The following NKAIN2 variants were observed in gnomAD, a reference collection of about 807,000 sequenced individuals.
The protein encoded by NKAIN2 is sodium/potassium transporting ATPase interacting 2, also known as sodium/potassium-transporting ATPase subunit beta-1-interacting protein 2.
NKAIN2 carries 14 observed loss-of-function variants against 32.6 expected under a neutral mutation model. The observed-to-expected ratio is 0.43, with a 90% CI of 0.28 to 0.67. NKAIN2 has a LOEUF of 0.67. Ranked by LOEUF, NKAIN2 falls within the 30% of genes least tolerant of loss-of-function variation. The pLI is 0.17. For synonymous variants in NKAIN2, 80 were observed against 87.2 expected (o/e 0.92, Z 0.46); for missense variants, 198 against 258.3 (o/e 0.77, Z 1.60).
chr6:124,625,792 T>TAAATA (rs1200522315), intron 3 of NKAIN2, among the ~76,000 whole-genome samples: 1 of 152,012 alleles, frequency 6.6e-6, no homozygotes, highest in Non-Finnish European at 1.5e-5. Context: ...ACAGTATGGT[T>TAAATA]AAATAACTGG....
chr6:124,275,917 A>C (rs1795009101), intron 1 of NKAIN2, among the ~76,000 whole-genome samples: 1 of 152,136 alleles, frequency 6.6e-6, no homozygotes, highest in African/African-American at 2.4e-5. Flanking sequence ...TGAAAATCTT[A>C]GGACTTATGT....
intron 1 of NKAIN2, among the ~76,000 whole-genome samples, chr6:124,069,423 A>G (rs563631346): frequency 6.6e-6 from 1 of 152,228 alleles, no homozygotes; most frequent in South Asian, 2.1e-4. Context: ...CCGGCCAGTG[A>G]GTCTGGCTAG....
At chr6:124,465,619 TAAAGTA>T (rs1328657018) in intron 3 of NKAIN2, among the ~76,000 whole-genome samples, 2 of 115,750 alleles carry the variant, frequency 1.7e-5, no homozygotes, top group Non-Finnish European at 3.5e-5. Flanking sequence ...TCCCAGGACT[TAAAGTA>T]AAGTTAAAAA....
chr6:124,103,321 G>A (rs375993391), intron 1 of NKAIN2, among the ~76,000 whole-genome samples: 14 of 152,194 alleles, frequency 9.2e-5, no homozygotes, highest in African/African-American at 3.4e-4. Context: ...TTATCAACGT[G>A]GGGATTTACT....
intron 1 of NKAIN2, among the ~76,000 whole-genome samples, chr6:124,213,197 G>C (rs1191854122): frequency 2.0e-5 from 3 of 152,024 alleles, no homozygotes; most frequent in Non-Finnish European, 4.4e-5. Flanking sequence ...TTTATGCCAT[G>C]TATCAGTTTT....
At position 124,531,757 on chromosome 6, in the gene NKAIN2, G is replaced by A. The variant is rs546820492; in HGVS notation, c.274-126429G>A. 7.2e-5 allele frequency among the ~76,000 whole-genome samples: 11 copies of A among 152,172 alleles called. No homozygotes were observed. In the South Asian group the frequency reaches 1.0e-3, roughly 14 times the overall value. ...TGGTATGATCTCCATGGCCACCTCC[G>A]CCTCCCTGGTTCAAGCGATTCTCGT... On this transcript the variant is annotated intron_variant, in intron 3 of 6. Transcript: ENST00000368417.
intron 3 of NKAIN2, among the ~76,000 whole-genome samples, chr6:124,540,369 C>G (rs1003161162): frequency 2.0e-5 from 3 of 152,182 alleles, no homozygotes; most frequent in African/African-American, 7.2e-5. Flanking sequence ...TTTGCTTTAT[C>G]TTTAAAAACA....
At position 124,545,454 on chromosome 6, in the gene NKAIN2, A is replaced by G. The variant is rs73567543; in HGVS notation, c.274-112732A>G. Among the ~76,000 whole-genome samples the G allele has an allele frequency of 5.7e-3, 867 of 152,282 alleles. 10 individuals carry two copies. Among genetic ancestry groups the G allele is most frequent in the African/African-American group, 0.02 (829 of 41,574 alleles). ...TCAAAAACATTTTGGTAACATAGCTAGTTTATATTAACCAAATCTTATGGT... is the reference window on the plus strand; with the variant it reads ...TCAAAAACATTTTGGTAACATAGCTGGTTTATATTAACCAAATCTTATGGT... On this transcript the variant is annotated intron_variant, in intron 3 of 6. Coordinates refer to ENST00000368417, the MANE Select transcript of NKAIN2 (RefSeq NM_001040214.3).
chr6:123,913,530 C>T (rs1158597335), intron 1 of NKAIN2, among the ~76,000 whole-genome samples: 1 of 152,106 alleles, frequency 6.6e-6, no homozygotes. Flanking sequence ...AACCTCAGTT[C>T]TCTTTATTAC....
Position 124,521,228 on chromosome 6 carries a change from A to G in NKAIN2, c.274-136958A>G, listed in dbSNP as rs907798598. Among the ~76,000 whole-genome samples, 12 of 152,304 alleles carry G rather than the reference A, an allele frequency of 7.9e-5. No individual in the cohort carries two copies. In the East Asian group the frequency reaches 2.3e-3, roughly 29 times the overall value. ...TTCCCATCACTGTTCCCCGTCTTAC[A>G]AGAGAAGCATTCATCGTTTTACCAT... is the stretch of plus-strand genomic sequence containing the variant. On this transcript the variant is annotated intron_variant, in intron 3 of 6. Transcript: ENST00000368417.
chr6:124,165,488 T>C (rs1057166663), intron 1 of NKAIN2, among the ~76,000 whole-genome samples: 1 of 152,068 alleles, frequency 6.6e-6, no homozygotes, highest in Non-Finnish European at 1.5e-5. Flanking sequence ...CCTCCAACTC[T>C]AACAATCAGT....
chr6:123,903,798 A>C (rs1049602122), intron 1 of NKAIN2, among the ~76,000 whole-genome samples: 1 of 152,220 alleles, frequency 6.6e-6, no homozygotes, highest in South Asian at 2.1e-4. Flanking sequence ...TAACTTGGTT[A>C]ATAAGCCCTG....
chr6:124,531,478 A>C (rs1265781396), intron 3 of NKAIN2, among the ~76,000 whole-genome samples: 1 of 152,148 alleles, frequency 6.6e-6, no homozygotes, highest in Non-Finnish European at 1.5e-5. Flanking sequence ...TTACATCTGT[A>C]TTCATCAAGG....
At chr6:124,605,242 C>G (rs1782455010) in intron 3 of NKAIN2, among the ~76,000 whole-genome samples, 2 of 151,962 alleles carry the variant, frequency 1.3e-5, no homozygotes, top group Non-Finnish European at 1.5e-5. Context: ...CTTTTATTCG[C>G]TGGGTCTGTG....
chr6:124,331,374 A>AAAAAAAAAAAAAAAAAAAC (rs1797649524), intron 2 of NKAIN2, among the ~76,000 whole-genome samples: 1 of 144,906 alleles, frequency 6.9e-6, no homozygotes, highest in African/African-American at 2.6e-5. Flanking sequence ...AAAAAAAAAA[A>AAAAAAAAAAAAAAAAAAAC]AAAAACTAGC....
At chr6:124,244,949 A>C (rs1793315549) in intron 1 of NKAIN2, among the ~76,000 whole-genome samples, 1 of 152,130 alleles carries the variant, frequency 6.6e-6, no homozygotes, top group African/African-American at 2.4e-5. Context: ...AATTTTGCTC[A>C]GTATTTTTTA....
intron 1 of NKAIN2, among the ~76,000 whole-genome samples, chr6:124,021,440 C>T (rs1355437804): frequency 6.6e-6 from 1 of 151,712 alleles, no homozygotes; most frequent in Non-Finnish European, 1.5e-5. Context: ...ATAATTATTA[C>T]CTATATTAAG....
In NKAIN2 at chr6:124,283,160, CT is replaced by C; in HGVS notation, c.192+22del. The stretch of plus-strand genomic sequence containing the variant: ...TAACAGGAGTAAGTACATTTTCTGC[CT>C]TTTAAAAATCTTATTGAACTAGAGA... On this transcript the variant is annotated intron_variant, in intron 2 of 6. Coordinates refer to ENST00000368417, the MANE Select transcript of NKAIN2 (RefSeq NM_001040214.3). The C allele has an allele frequency of 6.3e-7, 1 of 1,578,850 alleles. No homozygotes were observed. Among genetic ancestry groups the C allele is most frequent in the Non-Finnish European group, 8.7e-7 (1 of 1,149,098 alleles).
Position 124,474,369 on chromosome 6 carries a change from C to T in NKAIN2, c.273+119022C>T, listed in dbSNP as rs1174305828. Among the ~76,000 whole-genome samples, 4 of 152,168 alleles carry T rather than the reference C, an allele frequency of 2.6e-5. No homozygotes were observed. The East Asian group carries it at 7.7e-4, about 29-fold the overall frequency. The stretch of plus-strand genomic sequence containing the variant: ...TTAAAACAAACACCCTCTGAGTTTG[C>T]TTCTGTTGGGATTTGGCTATAGTCT... On this transcript the variant is annotated intron_variant, in intron 3 of 6. Coordinates refer to ENST00000368417, the MANE Select transcript of NKAIN2 (RefSeq NM_001040214.3).
Sources: gnomAD v4.1 joint callset for allele counts (sites outside exome capture counted in the v4.1 genomes callset) on GRCh38, gnomAD v4.1.1 for gene constraint, MANE v1.5 for transcripts, NCBI Gene and HGNC (gene_info 2026-07-23, HGNC 2026-07-21) for gene names.